Variants in QTGAL observed in about 807,000 individuals in gnomAD.
The protein encoded by QTGAL is BGnT-like protein 1.
At chr17:82,970,363 G>C in the QTGAL span, among the ~76,000 whole-genome samples, 1 of 152,250 alleles carries the variant, frequency 6.6e-6, no homozygotes, top group African/African-American at 2.4e-5. Flanking sequence ...CGGATTTCAC[G>C]ATTACAAAGC....
At chr17:83,031,284 C>A in the QTGAL span, among the ~76,000 whole-genome samples, 2 of 150,044 alleles carry the variant, frequency 1.3e-5, no homozygotes, top group South Asian at 4.2e-4. Flanking sequence ...ACCAGAGTCA[C>A]GTTTTCCAGC....
At chr17:83,012,257 C>T in the QTGAL span, among the ~76,000 whole-genome samples, 5 of 146,138 alleles carry the variant, frequency 3.4e-5, no homozygotes, top group East Asian at 2.0e-4. Flanking sequence ...TCTCCCAGCT[C>T]GTTTGAACAC....
the QTGAL span, among the ~76,000 whole-genome samples, chr17:82,970,735 G>A: frequency 4.6e-5 from 7 of 150,690 alleles, no homozygotes; most frequent in Non-Finnish European, 1.0e-4. Flanking sequence ...CCGAAGCCCT[G>A]GAGCTGTGGC....
the QTGAL span, among the ~76,000 whole-genome samples, chr17:83,020,851 C>T: frequency 2.0e-5 from 3 of 152,130 alleles, no homozygotes; most frequent in Non-Finnish European, 4.4e-5. Context: ...CTGGGACCCA[C>T]GAGAACCAAC....
the QTGAL span, among the ~76,000 whole-genome samples, chr17:82,958,892 G>GGT: frequency 1.8e-5 from 2 of 110,470 alleles, no homozygotes; most frequent in East Asian, 2.6e-4. Context: ...GGGGGTGTAT[G>GGT]GTGTGTGTGT....
At chr17:82,999,556 C>T in the QTGAL span, among the ~76,000 whole-genome samples, 7 of 152,134 alleles carry the variant, frequency 4.6e-5, no homozygotes, top group Non-Finnish European at 7.4e-5. Flanking sequence ...CATCAACGGT[C>T]GGTTAACACA....
the QTGAL span, chr17:82,943,757 T>C: frequency 5.9e-5 from 9 of 152,332 alleles, no homozygotes; most frequent in East Asian, 1.7e-3. Flanking sequence ...TGGTGGCCAA[T>C]GGTCTTTATA....
the QTGAL span, among the ~76,000 whole-genome samples, chr17:83,049,455 C>A: frequency 1.3e-5 from 2 of 148,552 alleles, no homozygotes; most frequent in Non-Finnish European, 3.0e-5. Flanking sequence ...CTCTGTCACC[C>A]AGGCTGGAGT....
the QTGAL span, chr17:83,048,859 C>A: frequency 4.2e-6 from 5 of 1,176,748 alleles, no homozygotes; most frequent in South Asian, 6.2e-5. Context: ...ATTTACCTCC[C>A]CTTCACCACC....
chr17:82,990,606 T>A, the QTGAL span, among the ~76,000 whole-genome samples: 4 of 152,254 alleles, frequency 2.6e-5, no homozygotes, highest in African/African-American at 9.6e-5. Context: ...ATCATTATAG[T>A]TTGGGGATTC....
At chr17:82,956,054 G>A in the QTGAL span, among the ~76,000 whole-genome samples, 1 of 151,996 alleles carries the variant, frequency 6.6e-6, no homozygotes, top group African/African-American at 2.4e-5. The surrounding 1 kb of genome is among the most constrained non-coding windows in gnomAD (Gnocchi z 5.7). Context: ...TGCATGCGGG[G>A]CTTAAAACCT....
the QTGAL span, chr17:82,957,141 G>T: frequency 6.2e-7 from 1 of 1,612,330 alleles, no homozygotes; most frequent in South Asian, 1.1e-5. Flanking sequence ...CCCGGAGCAG[G>T]TGGTTGACCC....
chr17:83,043,662 G>T, the QTGAL span, among the ~76,000 whole-genome samples: 1 of 149,832 alleles, frequency 6.7e-6, no homozygotes, highest in Admixed American at 6.6e-5. Flanking sequence ...AAACAGTGAA[G>T]ATTAGAGTGA....
chr17:83,041,474 G>C, the QTGAL span, among the ~76,000 whole-genome samples: 1 of 152,110 alleles, frequency 6.6e-6, no homozygotes, highest in Admixed American at 6.6e-5. Context: ...CAAAGATAAG[G>C]ACAAAATATT....
At chr17:83,013,112 C>A in the QTGAL span, among the ~76,000 whole-genome samples, 16 of 152,286 alleles carry the variant, frequency 1.1e-4, no homozygotes, top group South Asian at 3.3e-3. Context: ...TTTGCAAACA[C>A]GTGACCCTTT....
the QTGAL span, among the ~76,000 whole-genome samples, chr17:82,951,034 T>C: frequency 6.6e-6 from 1 of 152,228 alleles, no homozygotes; most frequent in East Asian, 1.9e-4. Context: ...TGCAATCAGA[T>C]CTTGGCAGTG....
At chr17:82,957,543 ACACAGATGCT>A in the QTGAL span, 7 of 1,553,480 alleles carry the variant, frequency 4.5e-6, no homozygotes, top group South Asian at 1.2e-5. Flanking sequence ...CCACAGATGC[ACACAGATGCT>A]GACATACAGG....
At chr17:83,035,146 C>T in the QTGAL span, 1 of 1,499,758 alleles carries the variant, frequency 6.7e-7, no homozygotes. Context: ...CAGTTTCCAG[C>T]AGCATTCTCT....
At chr17:82,964,027 T>TGGGGG in the QTGAL span, among the ~76,000 whole-genome samples, 39 of 144,910 alleles carry the variant, frequency 2.7e-4, no homozygotes, top group African/African-American at 9.5e-4. Context: ...AAGGCTGAGG[T>TGGGGG]CGGGGGGGTG....
Sources: gnomAD v4.1 joint callset for allele counts (sites outside exome capture counted in the v4.1 genomes callset) on GRCh38, gnomAD v4.1.1 for gene constraint, Gnocchi (gnomAD v3.1) non-coding constraint, MANE v1.5 for transcripts, NCBI Gene and HGNC (gene_info 2026-07-23, HGNC 2026-07-21) for gene names.